Variants in MACROD2 observed in about 807,000 individuals in gnomAD.
The protein encoded by MACROD2 is ADP-ribose glycohydrolase MACROD2.
MACROD2 carries 36 observed loss-of-function variants against 70.4 expected under a neutral mutation model. That is an observed-to-expected ratio of 0.51 (90% CI 0.39 to 0.68). The LOEUF (loss-of-function observed/expected upper bound fraction) is 0.68, where lower values mean the gene tolerates loss of function less well. Among genes scored for constraint, MACROD2 ranks in the 30% least tolerant of loss-of-function variants. MACROD2 has a pLI of 0.00. For synonymous variants in MACROD2, 172 were observed against 178.8 expected (o/e 0.96, Z 0.30); for missense variants, 496 against 538.4 (o/e 0.92, Z 0.78).
At chr20:14,366,711 C>T (rs2083276746) in intron 3 of MACROD2, among the ~76,000 whole-genome samples, 1 of 152,118 alleles carries the variant, frequency 6.6e-6, no homozygotes, top group Non-Finnish European at 1.5e-5. Context: ...TAGAATACCA[C>T]CTCTGGTGTC....
intron 3 of MACROD2, among the ~76,000 whole-genome samples, chr20:14,361,042 C>T (rs751854592): frequency 2.0e-5 from 3 of 152,078 alleles, no homozygotes; most frequent in Non-Finnish European, 4.4e-5. Context: ...GTTTGGAAGT[C>T]GAATTGCTGT....
At chr20:14,325,808 T>C (rs372021937) in intron 3 of MACROD2, 2 of 1,613,926 alleles carry the variant, frequency 1.2e-6, no homozygotes, top group African/African-American at 2.7e-5. Context: ...CTCCTCCCTT[T>C]GCTATATGCA....
chr20:15,894,040 G>T lies in MACROD2; in HGVS notation c.775+8229G>T, dbSNP rs765663916. The T allele has an allele frequency of 2.3e-4, 95 of 419,332 alleles. No individual in the cohort carries two copies. In the Middle Eastern group the frequency reaches 4.0e-3, roughly 18 times the overall value. 26.0% of individuals were successfully genotyped at this position (419,332 alleles called of 1,614,324 possible). A position where few individuals can be genotyped will look rare whatever the true frequency, so the allele number is the denominator to read the frequency against. ...TCAGTCACTGGCTGCAAGTAGTTTG[G>T]CAAGAAAGTGGCCGGCCTCAGCAGG... On this transcript the variant is annotated intron_variant, in intron 10 of 17. Transcript: ENST00000684519.
chr20:14,431,770 T>C (rs1405558037), intron 3 of MACROD2, among the ~76,000 whole-genome samples: 2 of 152,106 alleles, frequency 1.3e-5, no homozygotes, highest in Non-Finnish European at 2.9e-5. Context: ...AGCAGTTGAG[T>C]GACTGAAAGT....
At chr20:15,025,592 T>TA (rs1448640883) in intron 5 of MACROD2, among the ~76,000 whole-genome samples, 2 of 152,192 alleles carry the variant, frequency 1.3e-5, no homozygotes, top group African/African-American at 4.8e-5. Flanking sequence ...TCATTTCTGA[T>TA]AGTTTTAATA....
chr20:15,029,649 A>G (rs772298421), intron 5 of MACROD2, among the ~76,000 whole-genome samples: 1 of 152,184 alleles, frequency 6.6e-6, no homozygotes, highest in Non-Finnish European at 1.5e-5. Flanking sequence ...CCCTCTACCA[A>G]TCATTATAAT....
intron 6 of MACROD2, among the ~76,000 whole-genome samples, chr20:15,368,487 G>A (rs1446124598): frequency 4.1e-5 from 6 of 147,342 alleles, no homozygotes; most frequent in African/African-American, 1.5e-4. Context: ...TTTGAGACAG[G>A]GTCTCGCTCT....
intron 3 of MACROD2, among the ~76,000 whole-genome samples, chr20:14,303,472 A>G (rs942843660): frequency 6.6e-6 from 1 of 152,180 alleles, no homozygotes; most frequent in Non-Finnish European, 1.5e-5. Context: ...TTCTCAGGGT[A>G]TATGACCTCA....
chr20:15,968,797 G>GTATATATA (rs35259261), intron 13 of MACROD2, among the ~76,000 whole-genome samples: 8 of 106,810 alleles, frequency 7.5e-5, no homozygotes, highest in Admixed American at 2.0e-4. Flanking sequence ...TATATTATGC[G>GTATATATA]TATATATATA....
At chr20:15,298,666 T>G (rs1341136115) in intron 6 of MACROD2, among the ~76,000 whole-genome samples, 3 of 152,210 alleles carry the variant, frequency 2.0e-5, no homozygotes, top group Non-Finnish European at 4.4e-5. Flanking sequence ...AATTTGCATT[T>G]TAGGTGGGGG....
At chr20:15,186,782 A>G (rs983827991) in intron 5 of MACROD2, among the ~76,000 whole-genome samples, 2 of 152,090 alleles carry the variant, frequency 1.3e-5, no homozygotes, top group African/African-American at 4.8e-5. Flanking sequence ...TTGGCCTCCC[A>G]TGGAAGTCTC....
intron 3 of MACROD2, among the ~76,000 whole-genome samples, chr20:14,252,063 C>T (rs2082017823): frequency 6.6e-6 from 1 of 152,026 alleles, no homozygotes; most frequent in Admixed American, 6.6e-5. Flanking sequence ...ATGTGTCCCA[C>T]TATGGACACA....
intron 5 of MACROD2, among the ~76,000 whole-genome samples, chr20:15,071,771 G>C (rs551117596): frequency 6.6e-6 from 1 of 152,160 alleles, no homozygotes; most frequent in Non-Finnish European, 1.5e-5. Context: ...TTCAGGGTTT[G>C]TTGTTCTGAA....
intron 5 of MACROD2, among the ~76,000 whole-genome samples, chr20:15,137,259 C>T (rs1201678971): frequency 5.9e-5 from 9 of 151,810 alleles, no homozygotes; most frequent in Admixed American, 2.6e-4. Context: ...CACATGCACA[C>T]GTATGTTTAT....
chr20:14,864,080 C>T lies in MACROD2; in HGVS notation c.418+179121C>T, dbSNP rs2073401795. On this transcript the variant is annotated intron_variant, in intron 5 of 17. Coordinates refer to ENST00000684519, the MANE Select transcript of MACROD2 (RefSeq NM_001351661.2). Reference sequence around the variant, plus strand: ...TTCTTTTCCCTTAGGTGTCCATTTTCTAAAATGTGGATGAGAACACTCTCT... The same window carrying T: ...TTCTTTTCCCTTAGGTGTCCATTTTTTAAAATGTGGATGAGAACACTCTCT... Among the ~76,000 whole-genome samples, 3 of 152,032 alleles carry T rather than the reference C, an allele frequency of 2.0e-5. No homozygotes were observed. In the South Asian group the frequency reaches 6.2e-4, roughly 32 times the overall value.
At chr20:15,592,517 G>A (rs1035516575) in intron 8 of MACROD2, among the ~76,000 whole-genome samples, 2 of 152,178 alleles carry the variant, frequency 1.3e-5, no homozygotes, top group African/African-American at 4.8e-5. Flanking sequence ...TCTCAGACTG[G>A]CCAGGAGATG....
chr20:15,443,371 C>A (rs1256967711), intron 7 of MACROD2, among the ~76,000 whole-genome samples: 1 of 152,082 alleles, frequency 6.6e-6, no homozygotes, highest in African/African-American at 2.4e-5. Context: ...CAAAGGAAAT[C>A]TCCTTAGAAT....
At chr20:15,906,680 C>G (rs1223157407) in intron 10 of MACROD2, among the ~76,000 whole-genome samples, 4 of 152,034 alleles carry the variant, frequency 2.6e-5, no homozygotes, top group Admixed American at 6.5e-5. Context: ...AACAGTTTCC[C>G]AATCTTAATT....
intron 5 of MACROD2, among the ~76,000 whole-genome samples, chr20:14,851,942 A>T (rs1238471182): frequency 6.6e-6 from 1 of 152,198 alleles, no homozygotes; most frequent in African/African-American, 2.4e-5. Flanking sequence ...TTCATAGAGA[A>T]GGTGGCATGG....
Sources: allele counts gnomAD v4.1 joint callset (sites outside exome capture counted in the v4.1 genomes callset), GRCh38; gene constraint gnomAD v4.1.1; transcripts MANE v1.5; gene names NCBI Gene and HGNC (gene_info 2026-07-23, HGNC 2026-07-21).